NAALADL2: variants seen among roughly 807,000 people sequenced by gnomAD.
The protein encoded by NAALADL2 is N-acetylated alpha-linked acidic dipeptidase like 2.
NAALADL2 carries 76 observed loss-of-function variants against 87.2 expected under a neutral mutation model. The observed-to-expected ratio is 0.87, with a 90% CI of 0.72 to 1.05. NAALADL2 has a LOEUF of 1.05. NAALADL2 is among the 50% of genes least tolerant of loss of function. NAALADL2 has a pLI of 0.00. For synonymous variants in NAALADL2, 354 were observed against 331.0 expected, an observed-to-expected ratio of 1.07 and a Z score of -0.75; for missense variants, 1,089 against 945.8, an observed-to-expected ratio of 1.15 and a Z score of -1.99.
At position 174,801,715 on chromosome 3, in the gene NAALADL2, T is replaced by A. The variant is rs531368949; in HGVS notation, c.-9+63969T>A. On this transcript the variant is annotated intron_variant, in intron 3 of 3. Transcript: ENST00000434257. ...TTTTATCATGAAAGGATGCTGGATT[T>A]TGTCAAATGCATTTTCTGTGTCTAT... 2.3e-4 allele frequency among the ~76,000 whole-genome samples: 35 copies of A among 152,192 alleles called. No homozygotes were observed. In the East Asian group the frequency reaches 6.6e-3, roughly 29 times the overall value.
At chr3:174,997,484 A>G (rs1420881647) in intron 1 of NAALADL2, among the ~76,000 whole-genome samples, 1 of 152,130 alleles carries the variant, frequency 6.6e-6, no homozygotes, top group Non-Finnish European at 1.5e-5. Flanking sequence ...ACAAATGGAT[A>G]TTAAAACAGA....
intron 6 of NAALADL2, chr3:175,460,280 A>G (rs1280013186): frequency 4.6e-6 from 2 of 437,912 alleles, no homozygotes; most frequent in Non-Finnish European, 9.1e-6. Context: ...GACTCTATGC[A>G]TATTTATTTT....
chr3:174,869,678 C>T (rs574304885), intron 1 of NAALADL2, among the ~76,000 whole-genome samples: 4 of 152,122 alleles, frequency 2.6e-5, no homozygotes, highest in African/African-American at 7.2e-5. Flanking sequence ...CGGCTAGCCG[C>T]AGCTGCAGTG....
intron 1 of NAALADL2, among the ~76,000 whole-genome samples, chr3:174,443,415 G>T (rs1304845409): frequency 1.3e-5 from 2 of 152,208 alleles, no homozygotes; most frequent in East Asian, 3.8e-4. Flanking sequence ...AATTGCCTAA[G>T]CAACTGGAAA....
At chr3:174,870,796 CTTAAAT>C (rs1560305497) in intron 1 of NAALADL2, among the ~76,000 whole-genome samples, 1 of 152,088 alleles carries the variant, frequency 6.6e-6, no homozygotes, top group Non-Finnish European at 1.5e-5. Flanking sequence ...AAATTACTGA[CTTAAAT>C]TTTATTACTT....
At chr3:175,271,665 G>C (rs1019797259) in intron 4 of NAALADL2, among the ~76,000 whole-genome samples, 10 of 152,070 alleles carry the variant, frequency 6.6e-5, no homozygotes, top group Non-Finnish European at 1.3e-4. Flanking sequence ...GGTGGCGCAC[G>C]CCTGTAATCC....
chr3:175,210,808 TA>T (rs1345739156), intron 2 of NAALADL2, among the ~76,000 whole-genome samples: 3 of 151,918 alleles, frequency 2.0e-5, no homozygotes, highest in Non-Finnish European at 3.0e-5. Flanking sequence ...CTATGTCATT[TA>T]AAAAATGTTT....
At chr3:175,477,133 C>T (rs1725805493) in intron 9 of NAALADL2, among the ~76,000 whole-genome samples, 1 of 152,098 alleles carries the variant, frequency 6.6e-6, no homozygotes, top group South Asian at 2.1e-4. Flanking sequence ...TTCTTGAACA[C>T]TTGCTGAGAA....
chr3:175,577,449 C>T lies in NAALADL2; in HGVS notation c.1800+1262C>T, dbSNP rs141776128. Among the ~76,000 whole-genome samples, 1,044 of 152,240 alleles carry T rather than the reference C, an allele frequency of 6.9e-3. 6 individuals carry two copies. Among genetic ancestry groups the T allele is most frequent in the Non-Finnish European group, 0.011 (764 of 68,016 alleles). ...AGTTTGTTAATTGTTGAGGAAAACA[C>T]ATTTATCAGGCTGAGGAGGTGGAAT... On this transcript the variant is annotated intron_variant, in intron 10 of 13. Transcript: ENST00000454872.
intron 9 of NAALADL2, among the ~76,000 whole-genome samples, chr3:175,542,670 A>G (rs1712573995): frequency 6.6e-6 from 1 of 152,070 alleles, no homozygotes; most frequent in African/African-American, 2.4e-5. Flanking sequence ...TTGTATTTTC[A>G]ATTTGACTTT....
chr3:175,730,349 G>A (rs1743505987), intron 11 of NAALADL2, among the ~76,000 whole-genome samples: 1 of 131,786 alleles, frequency 7.6e-6, no homozygotes, highest in Non-Finnish European at 1.6e-5. Flanking sequence ...AGTAATTTTA[G>A]TTGTATTTAA....
At chr3:175,525,405 A>G (rs942648230) in intron 9 of NAALADL2, among the ~76,000 whole-genome samples, 2 of 152,108 alleles carry the variant, frequency 1.3e-5, no homozygotes, top group Non-Finnish European at 2.9e-5. Context: ...TTACTTATCC[A>G]TTCTCTGAGT....
intron 11 of NAALADL2, among the ~76,000 whole-genome samples, chr3:175,687,724 T>C (rs190706548): frequency 1.3e-5 from 2 of 152,272 alleles, no homozygotes; most frequent in East Asian, 1.9e-4. Flanking sequence ...GGTGTTTAGA[T>C]TGTGGGAGTG....
chr3:174,742,227 G>T lies in NAALADL2; in HGVS notation c.-9+4481G>T, dbSNP rs376306203. 2.6e-5 allele frequency among the ~76,000 whole-genome samples: 4 copies of T among 151,712 alleles called. No homozygotes were observed. The East Asian group carries it at 7.7e-4, about 29-fold the overall frequency. ...ATTATGTGTTAAGATACTATTTTGGGTAGTGGCAGAATAAAGGTGAATATG... is the reference window on the plus strand; with the variant it reads ...ATTATGTGTTAAGATACTATTTTGGTTAGTGGCAGAATAAAGGTGAATATG... On this transcript the variant is annotated intron_variant, in intron 3 of 3. Transcript: ENST00000434257.
intron 1 of NAALADL2, among the ~76,000 whole-genome samples, chr3:175,042,186 C>T (rs1376798502): frequency 1.3e-5 from 2 of 152,100 alleles, no homozygotes; most frequent in African/African-American, 4.8e-5. Flanking sequence ...CTTTCTGTGT[C>T]TGGCATACTT....
intron 5 of NAALADL2, among the ~76,000 whole-genome samples, chr3:175,395,844 T>G (rs1188069207): frequency 1.3e-5 from 2 of 152,194 alleles, no homozygotes; most frequent in African/African-American, 4.8e-5. Flanking sequence ...TATTTTATAT[T>G]TTATGAGCAA....
chr3:175,220,588 TC>T (rs944576499), intron 2 of NAALADL2, among the ~76,000 whole-genome samples: 12 of 152,154 alleles, frequency 7.9e-5, no homozygotes, highest in Admixed American at 2.6e-4. Context: ...GCCTTCTCCC[TC>T]CTTCTTTTTC....
At chr3:175,431,358 T>TTTTGTTTG (rs569729853) in intron 5 of NAALADL2, among the ~76,000 whole-genome samples, 10 of 151,990 alleles carry the variant, frequency 6.6e-5, no homozygotes, top group African/African-American at 2.4e-4. Flanking sequence ...AATAGAGATT[T>TTTTGTTTG]TTTGTTTGTT....
intron 3 of NAALADL2, among the ~76,000 whole-genome samples, chr3:174,749,227 C>T (rs540632388): frequency 4.6e-5 from 7 of 152,202 alleles, no homozygotes; most frequent in African/African-American, 1.4e-4. Flanking sequence ...TAAAATAATA[C>T]GGTTGCTTGG....
Sources: gnomAD v4.1 joint callset for allele counts (sites outside exome capture counted in the v4.1 genomes callset) on GRCh38, gnomAD v4.1.1 for gene constraint, MANE v1.5 for transcripts, NCBI Gene and HGNC (gene_info 2026-07-23, HGNC 2026-07-21) for gene names.